Variants in SHISA5 observed in about 807,000 individuals in gnomAD.
SHISA5 encodes the protein shisa family member 5, also known as protein shisa-5.
A neutral mutation model predicts 27.5 loss-of-function variants in SHISA5; 21 were observed. The observed-to-expected ratio is 0.76, with a 90% CI of 0.54 to 1.10. The LOEUF is 1.10. SHISA5 is among the 50% of genes least tolerant of loss of function. SHISA5 has a pLI of 0.00. For synonymous variants in SHISA5, 137 were observed against 142.2 expected, an observed-to-expected ratio of 0.96 and a Z score of 0.26; for missense variants, 314 against 336.3, an observed-to-expected ratio of 0.93 and a Z score of 0.52.
intron 2 of SHISA5, among the ~76,000 whole-genome samples, chr3:48,483,295 G>A (rs889848183): frequency 4.0e-5 from 6 of 151,860 alleles, no homozygotes; most frequent in African/African-American, 9.7e-5. Flanking sequence ...TGACTCTTAA[G>A]GAGCATGCTG....
intron 2 of SHISA5, among the ~76,000 whole-genome samples, chr3:48,480,158 C>A (rs927699670): frequency 6.6e-6 from 1 of 152,016 alleles, no homozygotes; most frequent in African/African-American, 2.4e-5. Flanking sequence ...CTGCCTTGGC[C>A]TCCCAAAGTG....
At chr3:48,479,152 C>A (rs906481791) in intron 3 of SHISA5, 25 bp downstream of exon 3, 17 of 1,589,240 alleles carry the variant, frequency 1.1e-5, no homozygotes, top group Middle Eastern at 1.8e-4. Context: ...CAGGAAGATG[C>A]ACCCAGCCAG....
chr3:48,502,421 A>C (rs551986095), intron 1 of SHISA5: 14 of 456,714 alleles, frequency 3.1e-5, no homozygotes, highest in African/African-American at 2.8e-4. Context: ...CCTGGGCAAC[A>C]GGGCTCCAAG....
chr3:48,474,943 C>G (rs192141104), intron 3 of SHISA5, among the ~76,000 whole-genome samples: 1 of 152,114 alleles, frequency 6.6e-6, no homozygotes, highest in African/African-American at 2.4e-5. Context: ...AGCACATGCC[C>G]GCACGGAATT....
chr3:48,474,542 G>A (rs1321555765), intron 3 of SHISA5, among the ~76,000 whole-genome samples: 2 of 151,938 alleles, frequency 1.3e-5, no homozygotes, highest in East Asian at 3.9e-4. Flanking sequence ...TCACCACGTT[G>A]GCCAGGCTGG....
rs755353551 is a variant in SHISA5, at chr3:48,479,175, A to T, written c.314+2T>A. The T allele has an allele frequency of 8.1e-6, 13 of 1,605,368 alleles. No homozygotes were observed. Among genetic ancestry groups the T allele is most frequent in the Admixed American group, 3.4e-5 (2 of 58,688 alleles). On this transcript the variant is annotated splice_donor_variant, in intron 3 of 5. Coordinates refer to ENST00000296444, the MANE Select transcript of SHISA5 (RefSeq NM_016479.6). LOFTEE classifies it high-confidence loss of function. ...TGCACCCAGCCAGCAGGCTTTACTT[A>T]CCCTGACATGGGGTCGTTGTAGCCA...
intron 2 of SHISA5, among the ~76,000 whole-genome samples, chr3:48,487,879 G>C (rs2041298563): frequency 6.6e-6 from 1 of 152,222 alleles, no homozygotes; most frequent in Non-Finnish European, 1.5e-5. Context: ...CTGGGCAACA[G>C]AGTGAGACTC....
At chr3:48,498,309 G>A (rs1044396650) in intron 2 of SHISA5, among the ~76,000 whole-genome samples, 2 of 152,196 alleles carry the variant, frequency 1.3e-5, no homozygotes, top group Admixed American at 6.6e-5. Context: ...AGACACAGAT[G>A]TCTGCTTTCT....
intron 3 of SHISA5, among the ~76,000 whole-genome samples, chr3:48,471,341 T>C (rs577994773): frequency 6.6e-6 from 1 of 151,982 alleles, no homozygotes. Flanking sequence ...CCCAGCACTT[T>C]GGGAGGCCGA....
intron 2 of SHISA5, among the ~76,000 whole-genome samples, chr3:48,493,260 C>A (rs2107368148): frequency 6.8e-6 from 1 of 146,542 alleles, no homozygotes; most frequent in Non-Finnish European, 1.5e-5. Context: ...AAGACCCCTT[C>A]TCTACAAAAA....
At chr3:48,501,835 C>T (rs2041762610) in intron 1 of SHISA5, among the ~76,000 whole-genome samples, 1 of 151,758 alleles carries the variant, frequency 6.6e-6, no homozygotes, top group Non-Finnish European at 1.5e-5. Context: ...TGCAGGGGAC[C>T]AGACACTGGA....
In SHISA5 at chr3:48,504,071, CG is replaced by C. The variant is rs2041832292; in HGVS notation, c.23del (p.Pro8ArgfsTer13). MTAPVPA[P>X]RILLPLLLLL... ...GCAACAGCAACGGCAACAGGATCCG[CG>C]GCGCGGGGACCGGCGCAGTCATGGC... On this transcript the variant is annotated frameshift_variant, in exon 1 of 6. Coordinates refer to ENST00000296444, the MANE Select transcript of SHISA5 (RefSeq NM_016479.6). LOFTEE classifies it high-confidence loss of function. This position sits in a 1 kb window ranked among gnomAD's most constrained non-coding sequence, Gnocchi z 4.0. 7.1e-7 allele frequency: 1 copy of C among 1,416,128 alleles called. No individual in the cohort carries two copies. Among genetic ancestry groups the C allele is most frequent in the South Asian group, 1.5e-5 (1 of 68,592 alleles). 87.7% of individuals were successfully genotyped at this position (1,416,128 alleles called of 1,614,324 possible). A position where few individuals can be genotyped will look rare whatever the true frequency, so the allele number is the denominator to read the frequency against.
intron 2 of SHISA5, 41 bp from the exon 3 acceptor site, chr3:48,479,298 A>C: frequency 6.4e-7 from 1 of 1,563,032 alleles, no homozygotes; most frequent in South Asian, 1.2e-5. Flanking sequence ...ATGAAGCCCC[A>C]CCGAGCGCCA....
chr3:48,504,144 G>C lies in SHISA5; in HGVS notation c.-50C>G, dbSNP rs1437984025. ...GGACGCGAGCGCCGGGCGCAGTGCC[G>C]CCACAGCCTCAGTGATCCGCGCGGC... On this transcript the variant is annotated 5_prime_UTR_variant, in exon 1 of 6. Coordinates refer to ENST00000296444, the MANE Select transcript of SHISA5 (RefSeq NM_016479.6). The surrounding 1 kb of genome is among the most constrained non-coding windows in gnomAD (Gnocchi z 4.0). The C allele has an allele frequency of 3.1e-6, 3 of 954,000 alleles. No individual in the cohort carries two copies. Among genetic ancestry groups the C allele is most frequent in the Non-Finnish European group, 4.2e-6 (3 of 713,658 alleles). The allele number at this position is 954,000 out of a possible 1,614,324, so 59.1% of individuals were successfully genotyped here.
In SHISA5 at chr3:48,501,189, C is replaced by T. The variant is rs748760034; in HGVS notation, c.181G>A (p.Val61Met). ...TCGCTCCACACAAATTTCTTCAGCACGTCAGAGCAGCAGTATTGGTCATCA... is the reference window on the plus strand; with the variant it reads ...TCGCTCCACACAAATTTCTTCAGCATGTCAGAGCAGCAGTATTGGTCATCA... Reference protein sequence around the residue: ...TCDDQYCCSDVLKKFVWSEER... With the variant: ...TCDDQYCCSDMLKKFVWSEER... Residue 61 changes from valine to methionine, a missense_variant, in exon 2 of 6, where the codon GTG (valine) becomes ATG (methionine). Coordinates refer to ENST00000296444, the MANE Select transcript of SHISA5 (RefSeq NM_016479.6). 52 of 1,614,024 alleles carry T rather than the reference C, an allele frequency of 3.2e-5. No homozygotes were observed. The highest frequency in any genetic ancestry group is 1.4e-4 in the South Asian group (13 of 91,082).
In SHISA5 at chr3:48,470,256, T is replaced by G. The variant is rs1418921222; in HGVS notation, c.315-413A>C. 6.6e-6 allele frequency among the ~76,000 whole-genome samples: 1 copy of G among 152,184 alleles called. No individual in the cohort carries two copies. Among genetic ancestry groups the G allele is most frequent in the Non-Finnish European group, 1.5e-5 (1 of 68,032 alleles). ...AGCCCTGGCCTCTGGGAGCCCACAG[T>G]CCAGTGTAGGAGGCAGACAGTGAAG... On this transcript the variant is annotated intron_variant, in intron 3 of 5. Transcript: ENST00000296444. This position sits in a 1 kb window ranked among gnomAD's most constrained non-coding sequence, Gnocchi z 4.3.
At chr3:48,485,409 C>T (rs1278445264) in intron 2 of SHISA5, among the ~76,000 whole-genome samples, 1 of 151,008 alleles carries the variant, frequency 6.6e-6, no homozygotes, top group African/African-American at 2.4e-5. Flanking sequence ...GCAGGAGAAT[C>T]GCTTGAACCT....
At position 48,469,941 on chromosome 3, in the gene SHISA5, G is replaced by T. The variant is rs1161854495; in HGVS notation, c.315-98C>A. 6.8e-7 allele frequency: 1 copy of T among 1,466,664 alleles called. No individual in the cohort carries two copies. Among genetic ancestry groups the T allele is most frequent in the Non-Finnish European group, 9.2e-7 (1 of 1,084,838 alleles). The allele number at this position is 1,466,664 out of a possible 1,614,324, so 90.9% of individuals were successfully genotyped here. ...TGCCCCTCTTGCCAGAAGGGGTCTGGGCAATACAGTTATAGCTACTTCCTT... is the reference window on the plus strand; with the variant it reads ...TGCCCCTCTTGCCAGAAGGGGTCTGTGCAATACAGTTATAGCTACTTCCTT... On this transcript the variant is annotated intron_variant, in intron 3 of 5. Transcript: ENST00000296444. The surrounding 1 kb of genome is among the most constrained non-coding windows in gnomAD (Gnocchi z 4.6).
rs1177118788 is a variant in SHISA5 at position 48,473,140 on chromosome 3, C to T, written c.315-3297G>A. ...AAGAAAGCAAATCTCCTCCAGATGACGTCAGCCACAGGAAGCACAGACGCG... is the reference window on the plus strand; with the variant it reads ...AAGAAAGCAAATCTCCTCCAGATGATGTCAGCCACAGGAAGCACAGACGCG... On this transcript the variant is annotated intron_variant, in intron 3 of 5. Coordinates refer to ENST00000296444, the MANE Select transcript of SHISA5 (RefSeq NM_016479.6). This position sits in a 1 kb window ranked among gnomAD's most constrained non-coding sequence, Gnocchi z 4.3. 23 of 1,459,860 alleles carry T rather than the reference C, an allele frequency of 1.6e-5. No individual in the cohort carries two copies. Among genetic ancestry groups the T allele is most frequent in the Admixed American group, 5.0e-5 (2 of 39,778 alleles). 90.4% of individuals were successfully genotyped at this position (1,459,860 alleles called of 1,614,324 possible). A position where few individuals can be genotyped will look rare whatever the true frequency, so the allele number is the denominator to read the frequency against.
Sources: allele counts gnomAD v4.1 joint callset (sites outside exome capture counted in the v4.1 genomes callset), GRCh38; gene constraint gnomAD v4.1.1; non-coding constraint Gnocchi (gnomAD v3.1); transcripts MANE v1.5; gene names NCBI Gene and HGNC (gene_info 2026-07-23, HGNC 2026-07-21).